The following FANCC variants were observed in gnomAD, a reference collection of about 807,000 sequenced individuals.
FANCC encodes FA complementation group C, also known as Fanconi anemia group C protein.
Under a neutral mutation model 71.3 loss-of-function variants are expected in FANCC, and 55 were observed. The observed-to-expected ratio is 0.77, with a 90% CI of 0.62 to 0.97. The LOEUF is 0.97. Among genes scored for constraint, FANCC ranks in the 50% least tolerant of loss-of-function variants. The pLI is 0.00. For synonymous variants in FANCC, 275 were observed against 244.9 expected, an observed-to-expected ratio of 1.12 and a Z score of -1.15; for missense variants, 678 against 670.9, an observed-to-expected ratio of 1.01 and a Z score of -0.12.
intron 6 of FANCC, 32 bp downstream of exon 6, chr9:95,171,047 C>A (rs1825645508): frequency 3.8e-6 from 6 of 1,567,746 alleles, no homozygotes; most frequent in Non-Finnish European, 5.3e-6. Context: ...ATTTTGAAAC[C>A]TGAGAAGAAG....
At chr9:95,118,898 T>C (rs756994713) in intron 10 of FANCC, among the ~76,000 whole-genome samples, 2 of 152,224 alleles carry the variant, frequency 1.3e-5, no homozygotes, top group African/African-American at 2.4e-5. Context: ...TGTCTTTTCA[T>C]GGACATGTGT....
rs104886458 is a variant in FANCC, at chr9:95,101,723, A to G, written c.1661T>C (p.Leu554Pro). Residue 554 changes from leucine to proline, a missense_variant, in exon 15 of 15, where the codon CTG (leucine) becomes CCG (proline). Transcript: ENST00000289081. ...GCGTGCCTTCTAGACTTGAGTTCGC[A>G]GCTCTTTAAGGAGCTCTCGGGCCAG... The part of the protein sequence containing the change: ...EKLARELLKE[L>P]RTQV The G allele has an allele frequency of 1.5e-5, 24 of 1,613,908 alleles. No homozygotes were observed. The highest frequency in any genetic ancestry group is 2.0e-5 in the Non-Finnish European group (24 of 1,180,000).
chr9:95,106,926 T>C (rs1036743917), intron 14 of FANCC, 140 bp downstream of exon 14: 2 of 828,326 alleles, frequency 2.4e-6, no homozygotes, highest in African/African-American at 3.4e-5. Context: ...ATCCCAGCTG[T>C]CAACCTCCTT....
intron 2 of FANCC, among the ~76,000 whole-genome samples, chr9:95,248,117 A>G (rs1031113797): frequency 2.0e-5 from 3 of 152,232 alleles, no homozygotes; most frequent in Admixed American, 2.0e-4. Context: ...AAAAGGATCA[A>G]CCAAATAGAA....
rs2071068994 is a variant in FANCC, at chr9:95,101,448, C to T, written c.*259G>A. On this transcript the variant is annotated 3_prime_UTR_variant, in exon 15 of 15. Coordinates refer to ENST00000289081, the MANE Select transcript of FANCC (RefSeq NM_000136.3). ...CTTTAGTAATTATCAAGCTGACGGT[C>T]TGGCCGGGCGGGCACCAGGAGTACC... 12 of 540,088 alleles carry T rather than the reference C, an allele frequency of 2.2e-5. No individual in the cohort carries two copies. The South Asian group carries it at 2.6e-4, about 12-fold the overall frequency. 33.5% of individuals were successfully genotyped at this position (540,088 alleles called of 1,614,324 possible).
intron 13 of FANCC, 152 bp from the exon 14 acceptor site, chr9:95,107,421 A>T: frequency 1.3e-6 from 1 of 783,690 alleles, no homozygotes; most frequent in Non-Finnish European, 2.1e-6. Flanking sequence ...TTTACACTCG[A>T]TTTCACACAA....
intron 1 of FANCC, chr9:95,292,882 T>C (rs1003848204): frequency 6.3e-7 from 1 of 1,585,696 alleles, no homozygotes; most frequent in Non-Finnish European, 8.7e-7. Context: ...CTGAAAAGAC[T>C]TGCAGAGGAC....
intron 4 of FANCC, among the ~76,000 whole-genome samples, chr9:95,203,654 T>C (rs1564749274): frequency 2.0e-5 from 3 of 152,330 alleles, no homozygotes; most frequent in South Asian, 4.1e-4. Flanking sequence ...AAATTTAAAA[T>C]ATTTATCTAG....
At position 95,290,881 on chromosome 9, in the gene FANCC, T is replaced by C. The variant is rs935755934; in HGVS notation, c.-79+26645A>G. 2.0e-5 allele frequency among the ~76,000 whole-genome samples: 3 copies of C among 152,352 alleles called. No individual in the cohort carries two copies. In the South Asian group the frequency reaches 6.2e-4, roughly 32 times the overall value. ...ACACATAAAAAAAGATCACATATCA[T>C]GATCAAATGAAATTTACCCCTGGGT... On this transcript the variant is annotated intron_variant, in intron 1 of 14. Coordinates refer to ENST00000289081, the MANE Select transcript of FANCC (RefSeq NM_000136.3).
chr9:95,107,064 A>G lies in FANCC; in HGVS notation c.1533+2T>C, dbSNP rs1057517170. On this transcript the variant is annotated splice_donor_variant, in intron 14 of 14. Transcript: ENST00000289081. LOFTEE classifies it high-confidence loss of function. ...AGGATGCTGGACCACAGGGAGACTT[A>G]CCAGGGTGATGACATCCCAGGCGAT... The G allele has an allele frequency of 6.2e-7, 1 of 1,614,010 alleles. No homozygotes were observed. The highest frequency in any genetic ancestry group is 1.1e-5 in the South Asian group (1 of 91,086).
At chr9:95,191,320 C>T (rs1827092863) in intron 4 of FANCC, among the ~76,000 whole-genome samples, 1 of 146,690 alleles carries the variant, frequency 6.8e-6, no homozygotes, top group Non-Finnish European at 1.5e-5. Context: ...AGTCACCATC[C>T]TACTTCCTTT....
At chr9:95,249,043 T>C in intron 2 of FANCC, 84 bp downstream of exon 2, 1 of 1,462,974 alleles carries the variant, frequency 6.8e-7, no homozygotes, top group Non-Finnish European at 9.5e-7. Context: ...CAAGTCCCGA[T>C]TCTGGGTGGC....
At chr9:95,235,739 G>A (rs1381912508) in intron 4 of FANCC, among the ~76,000 whole-genome samples, 1 of 150,748 alleles carries the variant, frequency 6.6e-6, no homozygotes, top group South Asian at 2.1e-4. Context: ...AGCTACTTGG[G>A]AGGCTGAGAC....
At chr9:95,171,238 T>A in intron 5 of FANCC, 95 bp from the exon 6 acceptor site, 1 of 900,316 alleles carries the variant, frequency 1.1e-6, no homozygotes, top group South Asian at 1.4e-5. Flanking sequence ...CCGTTGAGAT[T>A]CCCCCAACCC....
intron 4 of FANCC, among the ~76,000 whole-genome samples, chr9:95,236,833 T>C (rs1453725390): frequency 6.6e-6 from 1 of 152,194 alleles, no homozygotes. Context: ...TATGGCTGTT[T>C]TATAATTTTC....
At chr9:95,192,153 G>A (rs4647475) in intron 4 of FANCC, among the ~76,000 whole-genome samples, 58,549 of 152,048 alleles carry the variant, frequency 0.39, 11,868 homozygotes, top group East Asian at 0.58. Context: ...CGATTCCCAC[G>A]GTGCTTCAGC....
intron 4 of FANCC, among the ~76,000 whole-genome samples, chr9:95,183,848 A>C (rs2135692910): frequency 6.6e-6 from 1 of 152,362 alleles, no homozygotes; most frequent in African/African-American, 2.4e-5. Context: ...GTTATAATGC[A>C]TATCTACATA....
intron 1 of FANCC, among the ~76,000 whole-genome samples, chr9:95,267,258 G>A (rs1194595271): frequency 6.6e-6 from 1 of 152,156 alleles, no homozygotes; most frequent in Non-Finnish European, 1.5e-5. Flanking sequence ...CTCCATGCCT[G>A]AAGGAAGGCT....
chr9:95,300,826 A>G (rs899786639), intron 1 of FANCC, among the ~76,000 whole-genome samples: 9 of 152,196 alleles, frequency 5.9e-5, no homozygotes, highest in Admixed American at 1.3e-4. Context: ...ACTAGCTGCC[A>G]AGAGACACAT....
Sources: allele counts gnomAD v4.1 joint callset (sites outside exome capture counted in the v4.1 genomes callset), GRCh38; gene constraint gnomAD v4.1.1; transcripts MANE v1.5; gene names NCBI Gene and HGNC (gene_info 2026-07-23, HGNC 2026-07-21).